Variants in MARCHF1 observed in about 807,000 individuals in gnomAD.
The protein encoded by MARCHF1 is membrane associated ring-CH-type finger 1.
A neutral mutation model predicts 54.2 loss-of-function variants in MARCHF1; 40 were observed. The ratio of observed to expected loss-of-function variants is 0.74; its 90% CI spans 0.57 to 0.96. MARCHF1 has a LOEUF of 0.96. MARCHF1 is among the 40% of genes least tolerant of loss of function. The pLI is 0.00. For missense variants in MARCHF1, 586 were observed against 656.5 expected, an observed-to-expected ratio of 0.89 and a Z score of 1.17; for synonymous variants, 236 against 236.3, an observed-to-expected ratio of 1.00 and a Z score of 0.01.
At chr4:163,532,251 T>C (rs529173672) in intron 9 of MARCHF1, among the ~76,000 whole-genome samples, 4 of 151,784 alleles carry the variant, frequency 2.6e-5, no homozygotes, top group Non-Finnish European at 2.9e-5. Flanking sequence ...AAATAAATCA[T>C]TGAAACAGAA....
intron 1 of MARCHF1, among the ~76,000 whole-genome samples, chr4:164,238,910 C>G (rs1459495551): frequency 6.6e-6 from 1 of 151,878 alleles, no homozygotes; most frequent in African/African-American, 2.4e-5. Flanking sequence ...ATATACTTGA[C>G]TTTATTTGGA....
At chr4:164,278,037 G>T (rs1351446327) in intron 1 of MARCHF1, among the ~76,000 whole-genome samples, 1 of 152,146 alleles carries the variant, frequency 6.6e-6, no homozygotes, top group Non-Finnish European at 1.5e-5. Context: ...AAACTGGCCA[G>T]GTACTGTGGC....
intron 1 of MARCHF1, among the ~76,000 whole-genome samples, chr4:164,161,741 C>T (rs1730245038): frequency 6.6e-6 from 1 of 152,138 alleles, no homozygotes; most frequent in South Asian, 2.1e-4. Flanking sequence ...AGAAATCCAT[C>T]TTGCAACTCT....
intron 4 of MARCHF1, among the ~76,000 whole-genome samples, chr4:163,749,821 G>A (rs1472848731): frequency 6.6e-6 from 1 of 151,898 alleles, no homozygotes; most frequent in East Asian, 1.9e-4. Flanking sequence ...CCCCACTTCG[G>A]GAGGCCGAGG....
Position 163,792,460 on chromosome 4 carries a change from T to C in MARCHF1, c.111+61561A>G, listed in dbSNP as rs150123727. Among the ~76,000 whole-genome samples, 355 of 152,256 alleles carry C rather than the reference T, an allele frequency of 2.3e-3. 1 individual carries two copies. The highest frequency in any genetic ancestry group is 8.2e-3 in the African/African-American group (342 of 41,556). On this transcript the variant is annotated intron_variant, in intron 4 of 9. Transcript: ENST00000514618. The stretch of plus-strand genomic sequence containing the variant: ...TATGTTCAACAAATACTTGCTGATC[T>C]TCATAGTCCAATATTTGCATTTCAT...
intron 8 of MARCHF1, among the ~76,000 whole-genome samples, chr4:163,557,148 C>T (rs4691926): frequency 0.99 from 150,388 of 152,270 alleles, 74,263 homozygotes; most frequent in Middle Eastern, 1. Context: ...TTCAGGGACT[C>T]GGTATGTTTG....
chr4:164,271,236 T>A (rs1733739891), intron 1 of MARCHF1, among the ~76,000 whole-genome samples: 1 of 152,108 alleles, frequency 6.6e-6, no homozygotes, highest in South Asian at 2.1e-4. Flanking sequence ...TTATCAGATG[T>A]GATTAAGGAT....
chr4:164,298,771 G>A (rs1199473689), intron 1 of MARCHF1, among the ~76,000 whole-genome samples: 1 of 152,054 alleles, frequency 6.6e-6, no homozygotes, highest in East Asian at 1.9e-4. Flanking sequence ...TTCTGAGAGT[G>A]TCTCTAGAAA....
Position 163,545,592 on chromosome 4 carries a change from T to C in MARCHF1, c.1339+4A>G, listed in dbSNP as rs774779525. ...AGAGGGTAAGAAGAAAGATGTGCTC[T>C]TACCATTGTCATTGCCTTGCTTGAT... On this transcript the variant is annotated splice_donor_region_variant and intron_variant, in intron 9 of 9. Coordinates refer to ENST00000514618, the MANE Select transcript of MARCHF1 (RefSeq NM_001394959.1). 1 of 1,612,616 alleles carries C rather than the reference T, an allele frequency of 6.2e-7. No homozygotes were observed. Among genetic ancestry groups the C allele is most frequent in the Non-Finnish European group, 8.5e-7 (1 of 1,179,320 alleles).
At chr4:164,373,823 G>A (rs1376321893) in intron 1 of MARCHF1, among the ~76,000 whole-genome samples, 1 of 152,128 alleles carries the variant, frequency 6.6e-6, no homozygotes, top group African/African-American at 2.4e-5. Context: ...GCCCAAGAGA[G>A]AATGAGTGGC....
intron 3 of MARCHF1, among the ~76,000 whole-genome samples, chr4:163,898,205 C>A (rs1259844208): frequency 6.6e-6 from 1 of 150,642 alleles, no homozygotes; most frequent in Non-Finnish European, 1.5e-5. Context: ...TTTAATGAAA[C>A]TAAAAAGCTC....
intron 1 of MARCHF1, among the ~76,000 whole-genome samples, chr4:164,322,712 AAAAAT>A (rs1390637028): frequency 6.6e-6 from 1 of 152,102 alleles, no homozygotes; most frequent in South Asian, 2.1e-4. Context: ...ATGTATTCAC[AAAAAT>A]AAAATAAATA....
In MARCHF1 at chr4:163,933,218, G is replaced by T. The variant is rs7698990; in HGVS notation, c.-39+55283C>A. The T allele has an allele frequency of 4.1e-6, 3 of 734,722 alleles. No homozygotes were observed. In the East Asian group the frequency reaches 1.2e-4, roughly 29 times the overall value. The allele number at this position is 734,722 out of a possible 1,614,324, so 45.5% of individuals were successfully genotyped here. Reference sequence around the variant, plus strand: ...ACACTATGGACCTCAGACAGTGCAGGAGAAGAATGTGATGCAGCAGAAGGG... The same window carrying T: ...ACACTATGGACCTCAGACAGTGCAGTAGAAGAATGTGATGCAGCAGAAGGG... On this transcript the variant is annotated intron_variant, in intron 3 of 9. Coordinates refer to ENST00000514618, the MANE Select transcript of MARCHF1 (RefSeq NM_001394959.1).
intron 3 of MARCHF1, among the ~76,000 whole-genome samples, chr4:163,920,856 C>A (rs1384749803): frequency 1.9e-5 from 2 of 106,836 alleles, no homozygotes; most frequent in Non-Finnish European, 4.7e-5. Flanking sequence ...CAGAACCTAA[C>A]TATTTTAAGT....
Position 164,305,823 on chromosome 4 carries a change from A to G in MARCHF1, c.-323+78047T>C, listed in dbSNP as rs183809473. Among the ~76,000 whole-genome samples, 56 of 152,204 alleles carry G rather than the reference A, an allele frequency of 3.7e-4. No homozygotes were observed. The East Asian group carries it at 0.01, about 28-fold the overall frequency. ...GACGAAGAATATGCTAATTAGCTTGATTTGGTCATTACACATTGTACGCAT... is the reference window on the plus strand; with the variant it reads ...GACGAAGAATATGCTAATTAGCTTGGTTTGGTCATTACACATTGTACGCAT... On this transcript the variant is annotated intron_variant, in intron 1 of 9. Coordinates refer to ENST00000514618, the MANE Select transcript of MARCHF1 (RefSeq NM_001394959.1).
rs1408263015 is a variant in MARCHF1, at chr4:164,237,983, T to C, written c.-322-126321A>G. The stretch of plus-strand genomic sequence containing the variant: ...AATTTTAAAATTATTGATTTATCTA[T>C]ACATGGGAAGCTGTTATTTCTACTT... On this transcript the variant is annotated intron_variant, in intron 1 of 9. Transcript: ENST00000514618. Among the ~76,000 whole-genome samples the C allele has an allele frequency of 2.6e-5, 4 of 152,088 alleles. No homozygotes were observed. The East Asian group carries it at 7.7e-4, about 29-fold the overall frequency.
At chr4:164,294,194 C>T (rs547967922) in intron 1 of MARCHF1, among the ~76,000 whole-genome samples, 3 of 152,354 alleles carry the variant, frequency 2.0e-5, no homozygotes, top group Admixed American at 6.5e-5. Flanking sequence ...GCTGCACTCT[C>T]GGCTTCCCTA....
chr4:164,124,139 G>A (rs1236156396), intron 1 of MARCHF1, among the ~76,000 whole-genome samples: 1 of 146,428 alleles, frequency 6.8e-6, no homozygotes, highest in Non-Finnish European at 1.5e-5. Context: ...TGACAAACAG[G>A]CATATGAAAA....
intron 2 of MARCHF1, among the ~76,000 whole-genome samples, chr4:164,108,064 A>G (rs963854714): frequency 3.3e-5 from 5 of 151,596 alleles, no homozygotes; most frequent in Admixed American, 2.0e-4. Flanking sequence ...TTTTTTTCTT[A>G]TATCAATTTA....
Sources: gnomAD v4.1 joint callset for allele counts (sites outside exome capture counted in the v4.1 genomes callset) on GRCh38, gnomAD v4.1.1 for gene constraint, MANE v1.5 for transcripts, NCBI Gene and HGNC (gene_info 2026-07-23, HGNC 2026-07-21) for gene names.